Variants in RARB observed in about 807,000 individuals in gnomAD.
RARB encodes HBV-activated protein.
Under a neutral mutation model 51.9 loss-of-function variants are expected in RARB, and 17 were observed. The observed-to-expected ratio is 0.33, with a 90% CI of 0.22 to 0.49. RARB has a LOEUF of 0.49. Among genes scored for constraint, RARB ranks in the 20% least tolerant of loss-of-function variants. The pLI, the probability that RARB is intolerant of heterozygous loss-of-function variation, is 0.99. For synonymous variants in RARB, 215 were observed against 195.4 expected (o/e 1.10, Z -0.84); for missense variants, 369 against 550.8 (o/e 0.67, Z 3.30).
At chr3:24,929,217 G>C (rs1695390320) in intron 2 of RARB, among the ~76,000 whole-genome samples, 1 of 152,046 alleles carries the variant, frequency 6.6e-6, no homozygotes, top group Admixed American at 6.6e-5. Context: ...AGAACAACAG[G>C]TTACTAATGG....
chr3:24,972,480 A>AT (rs570381144), intron 2 of RARB, among the ~76,000 whole-genome samples: 18 of 151,680 alleles, frequency 1.2e-4, no homozygotes, highest in South Asian at 4.1e-4. Flanking sequence ...TGCTATATTG[A>AT]TTTTTTTTCT....
chr3:25,173,031 A>G (rs1392317683), intron 4 of RARB, among the ~76,000 whole-genome samples: 4 of 152,218 alleles, frequency 2.6e-5, no homozygotes, highest in Non-Finnish European at 4.4e-5. Context: ...TTCGTGCCAC[A>G]TGAATCTTTT....
intron 3 of RARB, among the ~76,000 whole-genome samples, chr3:25,079,392 T>G (rs1287527078): frequency 6.6e-6 from 1 of 152,184 alleles, no homozygotes; most frequent in African/African-American, 2.4e-5. Flanking sequence ...AGACAGAACC[T>G]CTAATACGTT....
In RARB at chr3:25,131,269, G is replaced by T. The variant is rs537508086; in HGVS notation, c.-327-892G>T. On this transcript the variant is annotated intron_variant, in intron 3 of 11. Coordinates refer to the RARB transcript ENST00000383772. The stretch of plus-strand genomic sequence containing the variant: ...AACATGACTCAGTTAAGGTTTACTG[G>T]CTTCCCCTGAGTTCCTAATCATTTT... Among the ~76,000 whole-genome samples, 3 of 152,030 alleles carry T rather than the reference G, an allele frequency of 2.0e-5. No homozygotes were observed. The South Asian group carries it at 6.2e-4, about 31-fold the overall frequency.
At chr3:25,392,928 G>A (rs1277543018) in intron 5 of RARB, among the ~76,000 whole-genome samples, 2 of 151,984 alleles carry the variant, frequency 1.3e-5, no homozygotes, top group African/African-American at 4.8e-5. Flanking sequence ...GTACTATGTT[G>A]AATACAAGTG....
chr3:25,145,085 C>T (rs1332155721), intron 4 of RARB, among the ~76,000 whole-genome samples: 1 of 152,172 alleles, frequency 6.6e-6, no homozygotes, highest in African/African-American at 2.4e-5. Flanking sequence ...CAAGGCCCTT[C>T]TGTAGACTGA....
At chr3:25,190,278 A>AC (rs1158962145) in intron 5 of RARB, among the ~76,000 whole-genome samples, 2 of 151,812 alleles carry the variant, frequency 1.3e-5, no homozygotes, top group African/African-American at 2.4e-5. Context: ...GTTCCCTTAC[A>AC]CCCCCAACCA....
intron 5 of RARB, among the ~76,000 whole-genome samples, chr3:25,181,607 C>T (rs144392126): frequency 1.1e-4 from 16 of 152,266 alleles, no homozygotes; most frequent in East Asian, 5.8e-4. Flanking sequence ...CATGACTTTC[C>T]GATGTCCCAC....
chr3:25,091,094 G>C (rs28565545), intron 3 of RARB, among the ~76,000 whole-genome samples: 169 of 152,236 alleles, frequency 1.1e-3, no homozygotes, highest in African/African-American at 4.0e-3. Flanking sequence ...CCTGGGGCTT[G>C]GATTAAATGT....
At chr3:25,256,554 C>A (rs973002061) in intron 5 of RARB, among the ~76,000 whole-genome samples, 1 of 152,190 alleles carries the variant, frequency 6.6e-6, no homozygotes, top group Non-Finnish European at 1.5e-5. Flanking sequence ...GAAAACAAAA[C>A]CCTGTGCTGC....
chr3:25,069,991 G>A (rs1234396366), intron 3 of RARB, among the ~76,000 whole-genome samples: 1 of 152,160 alleles, frequency 6.6e-6, no homozygotes, highest in Non-Finnish European at 1.5e-5. Context: ...GGACAGTTCT[G>A]GAGGCTTAGA....
intron 5 of RARB, among the ~76,000 whole-genome samples, chr3:25,402,182 T>G (rs563726173): frequency 6.6e-6 from 1 of 152,274 alleles, no homozygotes. Flanking sequence ...GTGGGAGATA[T>G]CATTACAGGT....
At chr3:24,855,157 T>G (rs1284956737) in intron 1 of RARB, among the ~76,000 whole-genome samples, 1 of 152,174 alleles carries the variant, frequency 6.6e-6, no homozygotes, top group Admixed American at 6.6e-5. Flanking sequence ...AAGGTCAGGG[T>G]GCTCTGTGGG....
At chr3:25,291,038 C>T (rs1340170424) in intron 5 of RARB, among the ~76,000 whole-genome samples, 1 of 152,180 alleles carries the variant, frequency 6.6e-6, no homozygotes, top group Non-Finnish European at 1.5e-5. Context: ...TGCCCTACAA[C>T]AGATCACTTA....
intron 2 of RARB, among the ~76,000 whole-genome samples, chr3:24,921,927 T>A (rs1319435601): frequency 6.6e-6 from 1 of 152,226 alleles, no homozygotes; most frequent in Non-Finnish European, 1.5e-5. Flanking sequence ...GGCTGCAGAT[T>A]GATGCAGGCT....
intron 3 of RARB, among the ~76,000 whole-genome samples, chr3:25,082,189 A>C: frequency 6.6e-6 from 1 of 152,036 alleles, no homozygotes; most frequent in East Asian, 1.9e-4. Flanking sequence ...AAGAGTGTAG[A>C]AGTGGAACTT....
chr3:24,888,631 T>C (rs1225358268), intron 2 of RARB, among the ~76,000 whole-genome samples: 3 of 152,140 alleles, frequency 2.0e-5, no homozygotes, highest in Admixed American at 1.3e-4. Flanking sequence ...TGTATAATGT[T>C]GTTTTTGGGA....
chr3:25,199,468 TATA>T (rs1701336072), intron 5 of RARB, among the ~76,000 whole-genome samples: 1 of 152,166 alleles, frequency 6.6e-6, no homozygotes, highest in African/African-American at 2.4e-5. Context: ...TTTTTATTAT[TATA>T]CTTTAAGTTT....
intron 3 of RARB, among the ~76,000 whole-genome samples, chr3:25,113,820 C>G (rs1003514685): frequency 6.4e-4 from 97 of 152,150 alleles, no homozygotes; most frequent in African/African-American, 2.3e-3. Flanking sequence ...GGAAAGGACC[C>G]TGAGCAGAGA....
Sources: gnomAD v4.1 joint callset for allele counts (sites outside exome capture counted in the v4.1 genomes callset) on GRCh38, gnomAD v4.1.1 for gene constraint, MANE v1.5 for transcripts, NCBI Gene and HGNC (gene_info 2026-07-23, HGNC 2026-07-21) for gene names.